HEATR4: variants seen among roughly 807,000 people sequenced by gnomAD.
HEATR4 encodes the protein HEAT repeat containing 4, also known as HEAT repeat-containing protein 4.
A neutral mutation model predicts 108.8 loss-of-function variants in HEATR4; 95 were observed. The observed-to-expected ratio is 0.87, with a 90% CI of 0.74 to 1.04. HEATR4 has a LOEUF of 1.04. Among genes scored for constraint, HEATR4 ranks in the 50% least tolerant of loss-of-function variants. The pLI, the probability that HEATR4 is intolerant of heterozygous loss-of-function variation, is 0.00. For synonymous variants in HEATR4, 443 were observed against 459.4 expected, an observed-to-expected ratio of 0.96 and a Z score of 0.46; for missense variants, 1,152 against 1,253.8, an observed-to-expected ratio of 0.92 and a Z score of 1.23.
At chr14:73,544,734 C>A (rs550211381) in intron 1 of HEATR4, among the ~76,000 whole-genome samples, 2 of 114,166 alleles carry the variant, frequency 1.8e-5, no homozygotes, top group African/African-American at 5.7e-5. Flanking sequence ...CCCAGGAGTT[C>A]AAGACAAGCC....
chr14:73,615,983 C>T, the HEATR4 span, among the ~76,000 whole-genome samples: 2 of 151,908 alleles, frequency 1.3e-5, no homozygotes, highest in Non-Finnish European at 2.9e-5. Flanking sequence ...CACTTGAGCC[C>T]AAGGATTCAA....
rs1887296184 is a variant in HEATR4 at position 73,512,003 on chromosome 14, C to CT, written c.1558+2_1558+3insA. 6.2e-7 allele frequency: 1 copy of CT among 1,613,758 alleles called. No individual in the cohort carries two copies. Among genetic ancestry groups the CT allele is most frequent in the Non-Finnish European group, 8.5e-7 (1 of 1,179,892 alleles). ...TCTCAAGCAGTTCAGCTTTGGCTCTCACCTGAGTCTCTCTGGCTGGTGGCA... is the reference window on the plus strand; with the variant it reads ...TCTCAAGCAGTTCAGCTTTGGCTCTCTACCTGAGTCTCTCTGGCTGGTGGCA... On this transcript the variant is annotated splice_region_variant and intron_variant, in intron 7 of 17. Transcript: ENST00000553558.
chr14:73,563,150 C>T (rs1342667999), upstream of HEATR4, among the ~76,000 whole-genome samples: 1 of 150,974 alleles, frequency 6.6e-6, no homozygotes, highest in Non-Finnish European at 1.5e-5. Flanking sequence ...GATGTCACCC[C>T]CAGCGGCCCA....
At chr14:73,588,633 T>C in the HEATR4 span, among the ~76,000 whole-genome samples, 1 of 152,098 alleles carries the variant, frequency 6.6e-6, no homozygotes, top group Non-Finnish European at 1.5e-5. Flanking sequence ...CAAAAAAGGA[T>C]GAGGCCCCAA....
At chr14:73,566,319 C>T in the HEATR4 span, among the ~76,000 whole-genome samples, 73 of 152,212 alleles carry the variant, frequency 4.8e-4, no homozygotes, top group African/African-American at 1.5e-3. Flanking sequence ...CTGCCAGTCC[C>T]GCACCGTGAG....
chr14:73,559,196 C>T (rs550019263), upstream of HEATR4, among the ~76,000 whole-genome samples: 75 of 151,834 alleles, frequency 4.9e-4, no homozygotes, highest in Non-Finnish European at 8.3e-4. Context: ...TGCAGTGGTG[C>T]GATCTCGGCT....
chr14:73,612,638 G>A, the HEATR4 span: 46 of 1,404,196 alleles, frequency 3.3e-5, no homozygotes, highest in African/African-American at 6.0e-5. Flanking sequence ...GCGCATCGCA[G>A]TGCGCGGCCT....
At chr14:73,632,169 C>T in the HEATR4 span, 1 of 150,696 alleles carries the variant, frequency 6.6e-6, no homozygotes, top group South Asian at 2.1e-4. Flanking sequence ...AGATGGGGGT[C>T]TCGTTATGTT....
chr14:73,548,155 T>G (rs1282110474), intron 1 of HEATR4, among the ~76,000 whole-genome samples: 1 of 115,840 alleles, frequency 8.6e-6, no homozygotes, highest in Non-Finnish European at 1.9e-5. Flanking sequence ...CTCGAACTCC[T>G]GGCCTCAGGT....
chr14:73,505,585 A>G (rs8014023), intron 10 of HEATR4, among the ~76,000 whole-genome samples: 92,767 of 151,770 alleles, frequency 0.61, 30,345 homozygotes, highest in African/African-American at 0.85. Context: ...TAGTACAGAT[A>G]GGATTTCACT....
Position 73,511,991 on chromosome 14 carries a change from A to C in HEATR4, c.1558+15T>G. 6.2e-7 allele frequency: 1 copy of C among 1,613,788 alleles called. No individual in the cohort carries two copies. Among genetic ancestry groups the C allele is most frequent in the African/African-American group, 1.3e-5 (1 of 75,022 alleles). On this transcript the variant is annotated intron_variant, in intron 7 of 17. Coordinates refer to ENST00000553558, the MANE Select transcript of HEATR4 (RefSeq NM_001220484.1). The stretch of plus-strand genomic sequence containing the variant: ...AGTTGCTTATGTTCTCAAGCAGTTC[A>C]GCTTTGGCTCTCACCTGAGTCTCTC...
At chr14:73,481,502 A>G (rs965457993) in intron 17 of HEATR4, among the ~76,000 whole-genome samples, 2 of 152,146 alleles carry the variant, frequency 1.3e-5, no homozygotes, top group African/African-American at 4.8e-5. Context: ...AACATACTGT[A>G]TAATTCCAAT....
chr14:73,507,039 G>A (rs1189899279), intron 9 of HEATR4, among the ~76,000 whole-genome samples: 1 of 151,966 alleles, frequency 6.6e-6, no homozygotes, highest in Non-Finnish European at 1.5e-5. Context: ...CTGACCTCAG[G>A]TGATCTGCCT....
At chr14:73,612,702 C>T in the HEATR4 span, 2 of 1,399,630 alleles carry the variant, frequency 1.4e-6, no homozygotes, top group Non-Finnish European at 1.8e-6. Flanking sequence ...GAAGAGGGCG[C>T]GCTCTTCCGG....
the HEATR4 span, among the ~76,000 whole-genome samples, chr14:73,624,838 G>C: frequency 4.7e-4 from 71 of 152,104 alleles, no homozygotes; most frequent in Non-Finnish European, 9.3e-4. Flanking sequence ...GATTAAATTA[G>C]ATAATCTGTG....
chr14:73,630,295 C>T, the HEATR4 span, among the ~76,000 whole-genome samples: 16 of 152,322 alleles, frequency 1.1e-4, 1 homozygote, highest in African/African-American at 3.6e-4. Context: ...ATCGCTACTG[C>T]ACAAATCCCT....
the HEATR4 span, chr14:73,575,486 C>T: frequency 3.1e-5 from 46 of 1,504,528 alleles, no homozygotes; most frequent in Middle Eastern, 2.3e-4. Flanking sequence ...TGGGTGGCCA[C>T]GAGGGGACAA....
intron 10 of HEATR4, among the ~76,000 whole-genome samples, 181 bp downstream of exon 10, chr14:73,506,286 G>A (rs1814936591): frequency 6.6e-6 from 1 of 152,172 alleles, no homozygotes; most frequent in African/African-American, 2.4e-5. Flanking sequence ...GAGAAGCATT[G>A]GCTTCCAGAC....
At chr14:73,575,057 G>A in the HEATR4 span, 2 of 1,539,572 alleles carry the variant, frequency 1.3e-6, no homozygotes, top group East Asian at 4.6e-5. Flanking sequence ...ACAAGGGCGA[G>A]ACCCTGCCCC....
Sources: gnomAD v4.1 joint callset for allele counts (sites outside exome capture counted in the v4.1 genomes callset) on GRCh38, gnomAD v4.1.1 for gene constraint, MANE v1.5 for transcripts, NCBI Gene and HGNC (gene_info 2026-07-23, HGNC 2026-07-21) for gene names.